The following PDE4D variants were observed in gnomAD, a reference collection of about 807,000 sequenced individuals.
PDE4D encodes phosphodiesterase 4D.
Under a neutral mutation model 87.4 loss-of-function variants are expected in PDE4D, and 24 were observed. The observed-to-expected ratio is 0.27, with a 90% CI of 0.20 to 0.39. The LOEUF (loss-of-function observed/expected upper bound fraction) is 0.39. Ranked by LOEUF, PDE4D falls within the 10% of genes least tolerant of loss-of-function variation. PDE4D has a pLI of 1.00. For missense variants in PDE4D, 714 were observed against 1,041.0 expected (o/e 0.69, Z 4.32); for synonymous variants, 384 against 383.2 (o/e 1.00, Z -0.02).
At chr5:60,441,303 T>A (rs1222320549) in intron 1 of PDE4D, among the ~76,000 whole-genome samples, 2 of 152,134 alleles carry the variant, frequency 1.3e-5, no homozygotes, top group Non-Finnish European at 2.9e-5. Context: ...AACCATCTGA[T>A]CTTTGACAAA....
At chr5:60,330,678 C>G (rs1464678524) in intron 1 of PDE4D, among the ~76,000 whole-genome samples, 1 of 152,222 alleles carries the variant, frequency 6.6e-6, no homozygotes, top group Non-Finnish European at 1.5e-5. Context: ...CACCTTAATA[C>G]TCAGAGTTTG....
intron 1 of PDE4D, among the ~76,000 whole-genome samples, chr5:59,465,163 C>T (rs1394178248): frequency 6.6e-6 from 1 of 152,206 alleles, no homozygotes; most frequent in Non-Finnish European, 1.5e-5. Flanking sequence ...TGTTAGCTCT[C>T]TTCATCTCAG....
intron 1 of PDE4D, among the ~76,000 whole-genome samples, chr5:59,303,247 TCTTA>T (rs1327702680): frequency 6.6e-6 from 1 of 152,312 alleles, no homozygotes; most frequent in Middle Eastern, 3.4e-3. Context: ...TTTGTTTTTT[TCTTA>T]CTGATTTGTT....
intron 5 of PDE4D, among the ~76,000 whole-genome samples, chr5:59,135,729 CAA>C (rs34886659): frequency 0.41 from 62,030 of 151,790 alleles, 13,331 homozygotes; most frequent in African/African-American, 0.53. Flanking sequence ...TCATTTTGAA[CAA>C]AACAGAAAAA....
At chr5:60,346,281 C>A (rs1364350289) in intron 1 of PDE4D, among the ~76,000 whole-genome samples, 2 of 152,118 alleles carry the variant, frequency 1.3e-5, no homozygotes, top group East Asian at 3.9e-4. Flanking sequence ...GTGGCTCTGA[C>A]AGTCCAGAGC....
intron 1 of PDE4D, among the ~76,000 whole-genome samples, chr5:59,358,705 G>T (rs6897015): frequency 6.6e-6 from 1 of 151,802 alleles, no homozygotes; most frequent in Non-Finnish European, 1.5e-5. Context: ...GTCCCTAACA[G>T]CTGGTGGGGT....
intron 1 of PDE4D, among the ~76,000 whole-genome samples, chr5:59,792,744 G>A (rs1193600495): frequency 6.6e-6 from 1 of 152,196 alleles, no homozygotes; most frequent in Non-Finnish European, 1.5e-5. Context: ...TTGGCATCAT[G>A]TAAACTAATT....
At chr5:60,317,515 C>T (rs1401437523) in intron 1 of PDE4D, among the ~76,000 whole-genome samples, 1 of 152,008 alleles carries the variant, frequency 6.6e-6, no homozygotes, top group Non-Finnish European at 1.5e-5. Context: ...TTAGTTATTT[C>T]TTGCCTTCTG....
rs73761530 is a variant in PDE4D, at chr5:59,539,596, C to T, written c.456-323628G>A. Among the ~76,000 whole-genome samples the T allele has an allele frequency of 5.1e-3, 770 of 152,038 alleles. 5 individuals carry two copies. Among genetic ancestry groups the T allele is most frequent in the African/African-American group, 0.018 (743 of 41,472 alleles). On this transcript the variant is annotated intron_variant, in intron 1 of 14. Coordinates refer to ENST00000340635, the MANE Select transcript of PDE4D (RefSeq NM_001104631.2). ...AAGAAGCCAATTTTCTTTTGTGTTC[C>T]TGCCTCAAAAAAGAATATATGTCTA...
At chr5:60,170,858 T>C (rs1001079286) in intron 2 of PDE4D, among the ~76,000 whole-genome samples, 1 of 152,054 alleles carries the variant, frequency 6.6e-6, no homozygotes, top group Admixed American at 6.6e-5. Flanking sequence ...TCCAATAGTT[T>C]ACTTTTAAAG....
intron 1 of PDE4D, among the ~76,000 whole-genome samples, chr5:60,314,198 G>T (rs533598154): frequency 9.2e-4 from 137 of 149,080 alleles, no homozygotes; most frequent in Middle Eastern, 7.0e-3. Flanking sequence ...ATGGAGTCTT[G>T]CTCTGTCACC....
chr5:60,487,424 C>T (rs1749238306), intron 1 of PDE4D, among the ~76,000 whole-genome samples: 1 of 152,192 alleles, frequency 6.6e-6, no homozygotes, highest in African/African-American at 2.4e-5. Flanking sequence ...TAGTGTATGT[C>T]TTCAATTGGC....
intron 1 of PDE4D, among the ~76,000 whole-genome samples, chr5:59,404,420 A>C (rs1203995311): frequency 2.6e-5 from 4 of 151,656 alleles, no homozygotes; most frequent in Non-Finnish European, 5.9e-5. Context: ...GCACTTTGGG[A>C]GGCCTAGGCA....
At chr5:59,191,691 C>T (rs980855958) in intron 3 of PDE4D, among the ~76,000 whole-genome samples, 67 of 152,198 alleles carry the variant, frequency 4.4e-4, no homozygotes, top group Admixed American at 3.0e-3. Context: ...GCCTCAGCCT[C>T]CCAAGTAGCT....
At chr5:59,166,655 T>C (rs1781966860) in intron 5 of PDE4D, among the ~76,000 whole-genome samples, 2 of 152,248 alleles carry the variant, frequency 1.3e-5, no homozygotes, top group Admixed American at 1.3e-4. Flanking sequence ...GTGATACTTC[T>C]TAAAAAACTC....
chr5:59,126,129 G>C (rs1246904560), intron 5 of PDE4D, among the ~76,000 whole-genome samples: 2 of 142,522 alleles, frequency 1.4e-5, no homozygotes, highest in African/African-American at 5.3e-5. Flanking sequence ...GAGAGAGAGA[G>C]AAAGCAAGGA....
intron 6 of PDE4D, among the ~76,000 whole-genome samples, chr5:59,034,171 C>G (rs1758085565): frequency 6.6e-6 from 1 of 152,140 alleles, no homozygotes. Context: ...CTACATAAAT[C>G]TTTCCCAAAT....
At chr5:60,022,552 T>C (rs1349866620) in intron 2 of PDE4D, 21 of 152,168 alleles carry the variant, frequency 1.4e-4, no homozygotes, top group Admixed American at 1.4e-3. Flanking sequence ...GACAGGGATA[T>C]CAATGAAGTT....
At position 59,389,161 on chromosome 5, in the gene PDE4D, T is replaced by C. The variant is rs545745853; in HGVS notation, c.456-173193A>G. On this transcript the variant is annotated intron_variant, in intron 1 of 14. Coordinates refer to ENST00000340635, the MANE Select transcript of PDE4D (RefSeq NM_001104631.2). ...GTCAAATTTTCAAAGCACCCTGAGATACCCAAAAAGTGATAGACCCCTTAA... is the reference window on the plus strand; with the variant it reads ...GTCAAATTTTCAAAGCACCCTGAGACACCCAAAAAGTGATAGACCCCTTAA... 1.4e-4 allele frequency among the ~76,000 whole-genome samples: 22 copies of C among 152,104 alleles called. No individual in the cohort carries two copies. In the East Asian group the frequency reaches 3.3e-3, roughly 23 times the overall value.
Sources: gnomAD v4.1 joint callset for allele counts (sites outside exome capture counted in the v4.1 genomes callset) on GRCh38, gnomAD v4.1.1 for gene constraint, MANE v1.5 for transcripts, NCBI Gene and HGNC (gene_info 2026-07-23, HGNC 2026-07-21) for gene names.